TINAG: variants seen among roughly 807,000 people sequenced by gnomAD.
The protein encoded by TINAG is tubulointerstitial nephritis antigen.
TINAG carries 83 observed loss-of-function variants against 72.7 expected under a neutral mutation model. That is an observed-to-expected ratio of 1.14 (90% CI 0.96 to 1.37). TINAG has a LOEUF of 1.37. TINAG is among the 40% of genes most tolerant of loss of function. TINAG has a pLI of 0.00. For synonymous variants in TINAG, 234 were observed against 189.9 expected (o/e 1.23, Z -1.91); for missense variants, 685 against 576.6 (o/e 1.19, Z -1.93).
intron 9 of TINAG, among the ~76,000 whole-genome samples, chr6:54,358,466 T>G (rs998746562): frequency 4.6e-5 from 7 of 151,102 alleles, no homozygotes; most frequent in African/African-American, 1.7e-4. Flanking sequence ...AATGAATGAG[T>G]TTTTTCCTTA....
At chr6:54,314,456 A>G (rs1784327204) in intron 1 of TINAG, among the ~76,000 whole-genome samples, 1 of 152,170 alleles carries the variant, frequency 6.6e-6, no homozygotes, top group Non-Finnish European at 1.5e-5. Context: ...TGGCCAGAAT[A>G]TAGTCACATG....
chr6:54,349,368 T>C (rs934926615), intron 6 of TINAG, among the ~76,000 whole-genome samples: 9 of 151,998 alleles, frequency 5.9e-5, no homozygotes, highest in Non-Finnish European at 8.8e-5. Context: ...CTCTTCCAAA[T>C]TATAATTATA....
intron 4 of TINAG, among the ~76,000 whole-genome samples, chr6:54,337,521 T>A (rs1248181304): frequency 3.3e-5 from 5 of 152,114 alleles, no homozygotes; most frequent in African/African-American, 1.2e-4. Flanking sequence ...CCCAAAATGC[T>A]GGGATTACAG....
At chr6:54,340,357 C>T (rs1052954102) in intron 4 of TINAG, among the ~76,000 whole-genome samples, 2 of 151,078 alleles carry the variant, frequency 1.3e-5, no homozygotes, top group Admixed American at 1.3e-4. Flanking sequence ...ATTTCTGTCA[C>T]TATCAGCTGA....
At chr6:54,351,485 A>C in intron 8 of TINAG, 88 bp downstream of exon 8, 1 of 1,292,052 alleles carries the variant, frequency 7.7e-7, no homozygotes, top group Non-Finnish European at 1.1e-6. Flanking sequence ...GTTTAATAAA[A>C]TAAAGAAAAT....
At chr6:54,338,926 C>T (rs952252800) in intron 4 of TINAG, among the ~76,000 whole-genome samples, 6 of 151,964 alleles carry the variant, frequency 3.9e-5, no homozygotes, top group Non-Finnish European at 7.4e-5. Context: ...TTTTCAAAAC[C>T]GGTGTTTCTC....
intron 9 of TINAG, among the ~76,000 whole-genome samples, chr6:54,355,713 A>ATGTG (rs1763014877): frequency 3.0e-5 from 3 of 99,120 alleles, no homozygotes; most frequent in African/African-American, 1.1e-4. Context: ...AAAAAATGTA[A>ATGTG]CGTGTGTGTG....
intron 6 of TINAG, among the ~76,000 whole-genome samples, chr6:54,349,035 C>T (rs960133090): frequency 4.0e-5 from 6 of 151,694 alleles, no homozygotes; most frequent in Admixed American, 2.6e-4. Flanking sequence ...GAATTGGTGC[C>T]GAATAATTTC....
intron 9 of TINAG, among the ~76,000 whole-genome samples, chr6:54,367,330 G>A (rs1763463188): frequency 6.6e-6 from 1 of 151,778 alleles, no homozygotes; most frequent in Admixed American, 6.6e-5. Context: ...GCAAGTAGTG[G>A]AAGCTGAATA....
chr6:54,360,767 C>G (rs1763200746), intron 9 of TINAG, among the ~76,000 whole-genome samples: 1 of 146,620 alleles, frequency 6.8e-6, no homozygotes, highest in Admixed American at 7.1e-5. Flanking sequence ...GTTTGTGGAG[C>G]AGAATCTTAC....
chr6:54,356,454 T>G (rs1171254511), intron 9 of TINAG, among the ~76,000 whole-genome samples: 1 of 151,906 alleles, frequency 6.6e-6, no homozygotes, highest in Non-Finnish European at 1.5e-5. Flanking sequence ...CGAGAATCGC[T>G]TAAACCCTAG....
chr6:54,338,231 C>T (rs1784912845), intron 4 of TINAG, among the ~76,000 whole-genome samples: 2 of 152,150 alleles, frequency 1.3e-5, no homozygotes, highest in South Asian at 4.1e-4. Flanking sequence ...TTGAACAACA[C>T]AGTGGAACCT....
chr6:54,338,949 T>C (rs2150951397), intron 4 of TINAG, among the ~76,000 whole-genome samples: 1 of 152,220 alleles, frequency 6.6e-6, no homozygotes, highest in South Asian at 2.1e-4. Context: ...AACTATTTTA[T>C]TACCTCCTTT....
chr6:54,308,181 A>G, upstream of TINAG: 2 of 1,470,428 alleles, frequency 1.4e-6, no homozygotes, highest in South Asian at 1.2e-5. Context: ...TGGGCCATGT[A>G]TATTCTAAGG....
chr6:54,309,425 CTAAG>C (rs1384702929), intron 1 of TINAG, among the ~76,000 whole-genome samples: 1 of 152,104 alleles, frequency 6.6e-6, no homozygotes, highest in East Asian at 1.9e-4. Flanking sequence ...CCCGCTCTGC[CTAAG>C]TAATACCAAA....
At chr6:54,341,779 C>A in intron 4 of TINAG, among the ~76,000 whole-genome samples, 1 of 151,792 alleles carries the variant, frequency 6.6e-6, no homozygotes, top group East Asian at 1.9e-4. Flanking sequence ...TTTACTTCTG[C>A]GGCAAATTAG....
intron 9 of TINAG, chr6:54,369,829 C>T (rs1475712359): frequency 6.6e-6 from 1 of 151,950 alleles, no homozygotes; most frequent in African/African-American, 2.4e-5. Context: ...TAGGGTTAAA[C>T]CATTGAGGAA....
intron 4 of TINAG, among the ~76,000 whole-genome samples, chr6:54,340,506 A>C (rs1784971900): frequency 6.6e-6 from 1 of 152,166 alleles, no homozygotes; most frequent in African/African-American, 2.4e-5. Context: ...TAAACTCTAA[A>C]CAATTTACTT....
At chr6:54,374,918 G>T (rs750168436) in intron 9 of TINAG, among the ~76,000 whole-genome samples, 2 of 151,510 alleles carry the variant, frequency 1.3e-5, no homozygotes, top group African/African-American at 4.9e-5. Flanking sequence ...TTTTTAATCT[G>T]TCTGGATCTA....
Sources: gnomAD v4.1 joint callset for allele counts (sites outside exome capture counted in the v4.1 genomes callset) on GRCh38, gnomAD v4.1.1 for gene constraint, MANE v1.5 for transcripts, NCBI Gene and HGNC (gene_info 2026-07-23, HGNC 2026-07-21) for gene names.